HCCS: variants seen among roughly 807,000 people sequenced by gnomAD.
The protein encoded by HCCS is holocytochrome c synthase, also known as holocytochrome c-type synthase.
HCCS carries 2 observed loss-of-function variants against 24.2 expected under a neutral mutation model. The observed-to-expected ratio is 0.08, with a 90% CI of 0.03 to 0.26. HCCS has a LOEUF of 0.26. Among genes scored for constraint, HCCS ranks in the 10% least tolerant of loss-of-function variants. The pLI is 1.00. For synonymous variants in HCCS, 73 were observed against 76.2 expected (o/e 0.96, Z 0.22); for missense variants, 150 against 213.3 (o/e 0.70, Z 1.85).
intron 6 of HCCS, 139 bp downstream of exon 6, chrX:11,121,132 C>G: frequency 1.8e-6 from 1 of 554,582 alleles, no homozygotes. Context: ...CTTTCTCTCC[C>G]TGAGGTTTGC....
intron 4 of HCCS, among the ~76,000 whole-genome samples, chrX:11,117,897 C>G (rs1382192155): frequency 9.0e-6 from 1 of 111,718 alleles, no homozygotes; most frequent in Non-Finnish European, 1.9e-5. Context: ...GAAGGGTCAG[C>G]CTTTTTGTCA....
At chrX:11,120,048 A>G (rs974032972) in intron 5 of HCCS, 4 of 324,259 alleles carry the variant, frequency 1.2e-5, no homozygotes, top group Non-Finnish European at 2.4e-5. Flanking sequence ...AGTAGTTCCT[A>G]AAAGGAGAAG....
Position 11,112,114 on chromosome X carries a change from A to G in HCCS, c.54A>G (p.Ser18=). The G allele has an allele frequency of 8.3e-7, 1 of 1,209,771 alleles. No individual in the cohort carries two copies. The highest frequency in any genetic ancestry group is 1.1e-6 in the Non-Finnish European group (1 of 893,389). ...TTGCAGTTCAGGCCTCAAATGCTTC[A>G]GCGTCCCCACCTTCAGGATGCCCGA... The part of the protein sequence containing the change: ...PAVAVQASNA[S]ASPPSGCPMH... The change falls in exon 2 of 7, where the codon TCA becomes TCG. Residue 18 remains serine (S), a synonymous_variant. Coordinates refer to ENST00000380762, the MANE Select transcript of HCCS (RefSeq NM_005333.5).
At chrX:11,113,475 G>A (rs1167794445) in intron 2 of HCCS, among the ~76,000 whole-genome samples, 1 of 112,114 alleles carries the variant, frequency 8.9e-6, no homozygotes, top group Non-Finnish European at 1.9e-5. Flanking sequence ...ATAGTAAGTG[G>A]CAAAGCCAGC....
At chrX:11,118,475 A>G (rs753439327) in intron 4 of HCCS, 26 bp from the exon 5 acceptor site, 2 of 1,182,893 alleles carry the variant, frequency 1.7e-6, no homozygotes, top group East Asian at 6.0e-5. Flanking sequence ...AACAGTTGTC[A>G]AATTTTACCA....
chrX:11,117,572 C>T lies in HCCS; in HGVS notation c.401+157C>T, dbSNP rs1216024459. 2.7e-5 allele frequency among the ~76,000 whole-genome samples: 3 copies of T among 111,716 alleles called. No individual in the cohort carries two copies. The East Asian group carries it at 8.4e-4, about 31-fold the overall frequency. ...TTTCACACCTGTCAGAATGTAAGTG[C>T]GAGACCAGTGTATTAAATCAGGGTT... On this transcript the variant is annotated intron_variant, in intron 4 of 6. Transcript: ENST00000380762.
At chrX:11,114,125 C>A (rs1192471706) in intron 2 of HCCS, among the ~76,000 whole-genome samples, 2 of 112,666 alleles carry the variant, frequency 1.8e-5, no homozygotes, top group African/African-American at 6.5e-5. Flanking sequence ...TAGGCTCAGA[C>A]CTTCCCTCGT....
chrX:11,118,061 T>C (rs1256609820), intron 4 of HCCS, among the ~76,000 whole-genome samples: 1 of 112,309 alleles, frequency 8.9e-6, no homozygotes, highest in Non-Finnish European at 1.9e-5. Context: ...CTGGGCATCC[T>C]GTGGCATAGT....
rs3086668 is a variant in HCCS, at chrX:11,111,355, A to AGGCGGC, written c.-186_-181dup. On this transcript the variant is annotated 5_prime_UTR_variant, in exon 1 of 7. Transcript: ENST00000380762. ...CCACAGCGGTGACCGAGTGAGAGGA[A>AGGCGGC]GGCGGCGGCGGCGGCGGCGGCGGCG... 3,766 of 162,515 alleles carry AGGCGGC rather than the reference A, an allele frequency of 0.023. 77 individuals carry two copies. Among genetic ancestry groups the AGGCGGC allele is most frequent in the African/African-American group, 0.06 (1,812 of 30,267 alleles). 13.4% of individuals were successfully genotyped at this position (162,515 alleles called of 1,213,427 possible).
At chrX:11,113,925 T>C (rs1157821437) in intron 2 of HCCS, among the ~76,000 whole-genome samples, 1 of 111,736 alleles carries the variant, frequency 8.9e-6, no homozygotes, top group Non-Finnish European at 1.9e-5. Flanking sequence ...CAAACTCAGC[T>C]TTTTCATGTG....
chrX:11,113,691 T>A (rs1013874963), intron 2 of HCCS, among the ~76,000 whole-genome samples: 1 of 112,328 alleles, frequency 8.9e-6, no homozygotes, highest in Admixed American at 9.4e-5. Flanking sequence ...AGAATGTGGG[T>A]GTCTATAGGA....
At position 11,120,862 on chromosome X, in the gene HCCS, A is replaced by G. The variant is rs201821748; in HGVS notation, c.522-45A>G. ...AATTAGAACATCATCTTTGTCAAAG[A>G]AAAGAAAATATTTTAACAGACTTTT... is the stretch of plus-strand genomic sequence containing the variant. On this transcript the variant is annotated intron_variant, in intron 5 of 6. Transcript: ENST00000380762. 9.8e-4 allele frequency: 1,051 copies of G among 1,076,614 alleles called. 6 individuals carry two copies. The highest frequency in any genetic ancestry group is 7.3e-4 in the Middle Eastern group (3 of 4,121). The allele number at this position is 1,076,614 out of a possible 1,213,427, so 88.7% of individuals were successfully genotyped here.
intron 1 of HCCS, among the ~76,000 whole-genome samples, 170 bp downstream of exon 1, chrX:11,111,688 C>T (rs949155039): frequency 3.6e-5 from 4 of 111,882 alleles, no homozygotes; most frequent in African/African-American, 6.5e-5. Context: ...GACCTCCCCT[C>T]CTCCACCCGG....
At position 11,112,196 on chromosome X, in the gene HCCS, G is replaced by C. The variant is rs2045413721; in HGVS notation, c.100+36G>C. On this transcript the variant is annotated intron_variant, in intron 2 of 6. Coordinates refer to ENST00000380762, the MANE Select transcript of HCCS (RefSeq NM_005333.5). ...CTTTGCCTAGAAAATAAAAACAAAA[G>C]ATAATTCACGGCTGGGTGCGGTGGT... 2.8e-6 allele frequency: 3 copies of C among 1,060,360 alleles called. No homozygotes were observed. In the Middle Eastern group the frequency reaches 7.6e-4, roughly 268 times the overall value. 87.4% of individuals were successfully genotyped at this position (1,060,360 alleles called of 1,213,427 possible). A position where few individuals can be genotyped will look rare whatever the true frequency, so the allele number is the denominator to read the frequency against.
intron 2 of HCCS, 40 bp downstream of exon 2, chrX:11,112,200 A>C: frequency 1.9e-6 from 2 of 1,034,510 alleles, no homozygotes; most frequent in Non-Finnish European, 2.7e-6. Flanking sequence ...ACAAAAGATA[A>C]TTCACGGCTG....
chrX:11,112,338 T>C (rs1348238436), intron 2 of HCCS, among the ~76,000 whole-genome samples, 178 bp downstream of exon 2: 1 of 111,289 alleles, frequency 9.0e-6, no homozygotes, highest in Non-Finnish European at 1.9e-5. Context: ...ATACAAACAT[T>C]AGCCAGACGT....
In HCCS at chrX:11,115,111, T is replaced by G; in HGVS notation, c.252+125T>G. 4.9e-6 allele frequency: 3 copies of G among 611,366 alleles called. No homozygotes were observed. The South Asian group carries it at 7.0e-5, about 14-fold the overall frequency. 50.4% of individuals were successfully genotyped at this position (611,366 alleles called of 1,213,427 possible). A position where few individuals can be genotyped will look rare whatever the true frequency, so the allele number is the denominator to read the frequency against. On this transcript the variant is annotated intron_variant, in intron 3 of 6. Coordinates refer to ENST00000380762, the MANE Select transcript of HCCS (RefSeq NM_005333.5). The stretch of plus-strand genomic sequence containing the variant: ...CCTTTGAAAACAGAGAAGTTAGATA[T>G]TCTATCTACAGTGAAAATCTAGAAT...
chrX:11,116,852 A>AT (rs896943670), intron 3 of HCCS, among the ~76,000 whole-genome samples: 5 of 112,584 alleles, frequency 4.4e-5, no homozygotes, highest in Non-Finnish European at 9.4e-5. Context: ...ATCTGAGAAT[A>AT]TTTTTTTAAA....
At position 11,112,054 on chromosome X, in the gene HCCS, T is replaced by G; in HGVS notation, c.-7T>G. ...AAAATTGTTTACAGTCAACACTGTTTCCAGCCATGGGTTTGTCTCCATCTG... is the reference window on the plus strand; with the variant it reads ...AAAATTGTTTACAGTCAACACTGTTGCCAGCCATGGGTTTGTCTCCATCTG... On this transcript the variant is annotated 5_prime_UTR_variant, in exon 2 of 7. Transcript: ENST00000380762. 1 of 1,190,418 alleles carries G rather than the reference T, an allele frequency of 8.4e-7. No homozygotes were observed. Among genetic ancestry groups the G allele is most frequent in the Non-Finnish European group, 1.1e-6 (1 of 875,695 alleles).
Sources: allele counts gnomAD v4.1 joint callset (sites outside exome capture counted in the v4.1 genomes callset), GRCh38; gene constraint gnomAD v4.1.1; transcripts MANE v1.5; gene names NCBI Gene and HGNC (gene_info 2026-07-23, HGNC 2026-07-21).